UBLCP1: variants seen among roughly 807,000 people sequenced by gnomAD.
The protein encoded by UBLCP1 is ubiquitin-like domain-containing CTD phosphatase 1.
Under a neutral mutation model 42.4 loss-of-function variants are expected in UBLCP1, and 28 were observed. The ratio of observed to expected loss-of-function variants is 0.66; its 90% CI spans 0.49 to 0.90. The LOEUF is 0.90. Among genes scored for constraint, UBLCP1 ranks in the 40% least tolerant of loss-of-function variants. UBLCP1 has a pLI of 0.00. For missense variants in UBLCP1, 279 were observed against 374.5 expected, an observed-to-expected ratio of 0.75 and a Z score of 2.10; for synonymous variants, 122 against 120.8, an observed-to-expected ratio of 1.01 and a Z score of -0.07.
At chr5:159,283,377 A>G in intron 10 of UBLCP1, 38 bp downstream of exon 10, 1 of 1,494,702 alleles carries the variant, frequency 6.7e-7, no homozygotes, top group Non-Finnish European at 9.0e-7. Flanking sequence ...TCTTTACATC[A>G]ATGAAGAAAA....
chr5:159,267,460 C>T (rs1007415691), intron 1 of UBLCP1, among the ~76,000 whole-genome samples: 3 of 152,170 alleles, frequency 2.0e-5, no homozygotes, highest in African/African-American at 7.2e-5. Flanking sequence ...GCAGAAAGGA[C>T]TTAACTTGTC....
chr5:159,263,945 A>G (rs1466887525), intron 1 of UBLCP1, among the ~76,000 whole-genome samples: 2 of 152,160 alleles, frequency 1.3e-5, no homozygotes, highest in Admixed American at 6.5e-5. Context: ...CAGGATTCTC[A>G]TTTGTATAAT....
chr5:159,265,220 A>C (rs1375529088), intron 1 of UBLCP1, among the ~76,000 whole-genome samples: 3 of 152,132 alleles, frequency 2.0e-5, no homozygotes, highest in Non-Finnish European at 4.4e-5. Context: ...TTAGTAGGAG[A>C]CACTGTTTTT....
intron 7 of UBLCP1, 137 bp downstream of exon 7, chr5:159,274,759 G>T: frequency 1.4e-6 from 1 of 735,094 alleles, no homozygotes; most frequent in Non-Finnish European, 2.2e-6. Context: ...GGGAGTAGAG[G>T]TGTTTTTAAA....
intron 8 of UBLCP1, among the ~76,000 whole-genome samples, chr5:159,275,913 C>G (rs1562100223): frequency 6.6e-6 from 1 of 152,078 alleles, no homozygotes; most frequent in East Asian, 1.9e-4. Context: ...CTGTTTGAAA[C>G]TGGTAATAAA....
At chr5:159,276,644 G>A (rs181810535) in intron 8 of UBLCP1, among the ~76,000 whole-genome samples, 143 of 152,288 alleles carry the variant, frequency 9.4e-4, no homozygotes, top group African/African-American at 3.2e-3. Context: ...ACTGTAGCTC[G>A]TCATTTGATG....
At position 159,272,762 on chromosome 5, in the gene UBLCP1, C is replaced by T. The variant is rs149651092; in HGVS notation, c.547+641C>T. On this transcript the variant is annotated intron_variant, in intron 6 of 10. Coordinates refer to ENST00000296786, the MANE Select transcript of UBLCP1 (RefSeq NM_145049.5). The stretch of plus-strand genomic sequence containing the variant: ...CCAGTGACATTGAAATTGTGGTCTG[C>T]GGACCATTTCAAGAATGTACAGGTC... Among the ~76,000 whole-genome samples the T allele has an allele frequency of 5.3e-5, 8 of 152,280 alleles. No homozygotes were observed. In the East Asian group the frequency reaches 1.2e-3, roughly 22 times the overall value.
At position 159,278,253 on chromosome 5, in the gene UBLCP1, G is replaced by A; in HGVS notation, c.700G>A (p.Val234Ile). Residue 234 changes from valine to isoleucine, a missense_variant, in exon 9 of 11, where the codon GTT becomes ATT. Physicochemically the swap from Val to Ile is conservative, Grantham distance 29. Transcript: ENST00000296786. ...RGLIDVKPLG[V>I]IWGKFSEFYS... ...TTATTCTAAGGTAAAGCCTCTTGGT[G>A]TTATATGGGGAAAGTTTTCGGAGTT... 1.2e-6 allele frequency: 2 copies of A among 1,612,232 alleles called. No homozygotes were observed. Among genetic ancestry groups the A allele is most frequent in the Non-Finnish European group, 1.7e-6 (2 of 1,178,406 alleles).
intron 1 of UBLCP1, 103 bp downstream of exon 1, chr5:159,263,463 G>T (rs1753328423): frequency 6.6e-6 from 1 of 152,268 alleles, no homozygotes; most frequent in Non-Finnish European, 1.5e-5. Context: ...CACTGCGGCG[G>T]GCTGGGGATA....
Position 159,268,914 on chromosome 5 carries a change from G to C in UBLCP1, c.-2G>C. 1 of 1,602,068 alleles carries C rather than the reference G, an allele frequency of 6.2e-7. No individual in the cohort carries two copies. The highest frequency in any genetic ancestry group is 1.1e-5 in the South Asian group (1 of 87,338). ...AAAGCTGCTTCCTCATATGTTTCAA[G>C]AATGGCTCTCCCTATCATTGTAAAA... On this transcript the variant is annotated 5_prime_UTR_variant, in exon 2 of 11. Transcript: ENST00000296786.
chr5:159,274,465 G>A (rs1000770527), intron 6 of UBLCP1, 120 bp from the exon 7 acceptor site: 8 of 685,602 alleles, frequency 1.2e-5, no homozygotes, highest in Admixed American at 6.3e-5. Flanking sequence ...GTATGCTAGG[G>A]ACTGTTAATT....
chr5:159,285,862 T>C lies in UBLCP1; in HGVS notation c.*931T>C, dbSNP rs940476446. On this transcript the variant is annotated 3_prime_UTR_variant, in exon 11 of 11. Transcript: ENST00000296786. ...TAGCCATAAGATTAAAAAAATATAT[T>C]ATTTGCAATGCTTAAGCCTGCAGAT... The C allele has an allele frequency of 8.5e-5, 13 of 152,752 alleles. No individual in the cohort carries two copies. The highest frequency in any genetic ancestry group is 3.1e-4 in the African/African-American group (13 of 41,456). 9.5% of individuals were successfully genotyped at this position (152,752 alleles called of 1,614,324 possible).
chr5:159,273,496 A>C (rs981828118), intron 6 of UBLCP1, among the ~76,000 whole-genome samples: 1 of 152,210 alleles, frequency 6.6e-6, no homozygotes, highest in African/African-American at 2.4e-5. Context: ...TTGAGAAATG[A>C]AGATATCTAA....
At chr5:159,270,284 T>C in intron 3 of UBLCP1, 76 bp from the exon 4 acceptor site, 1 of 1,218,912 alleles carries the variant, frequency 8.2e-7, no homozygotes, top group Admixed American at 2.2e-5. Context: ...GTATCTCTCA[T>C]TTTATTTTTA....
chr5:159,274,947 A>T (rs902249406), intron 7 of UBLCP1, among the ~76,000 whole-genome samples: 1 of 152,204 alleles, frequency 6.6e-6, no homozygotes, highest in African/African-American at 2.4e-5. Flanking sequence ...TAAATTAGGA[A>T]GTAATCTATT....
chr5:159,279,019 T>C (rs1753573294), intron 9 of UBLCP1, among the ~76,000 whole-genome samples: 1 of 152,254 alleles, frequency 6.6e-6, no homozygotes, highest in African/African-American at 2.4e-5. Context: ...GAAATGGCAG[T>C]AAGGGTACTT....
intron 3 of UBLCP1, 147 bp from the exon 4 acceptor site, chr5:159,270,213 A>C: frequency 2.6e-6 from 2 of 779,140 alleles, no homozygotes; most frequent in South Asian, 3.7e-5. Context: ...AAACATACAT[A>C]ACGAATTATT....
Position 159,284,938 on chromosome 5 carries a change from G to A in UBLCP1, c.*7G>A. 2.5e-6 allele frequency: 4 copies of A among 1,612,262 alleles called. No homozygotes were observed. The highest frequency in any genetic ancestry group is 3.4e-6 in the Non-Finnish European group (4 of 1,178,776). On this transcript the variant is annotated 3_prime_UTR_variant, in exon 11 of 11. Coordinates refer to ENST00000296786, the MANE Select transcript of UBLCP1 (RefSeq NM_145049.5). ...AAAGAAGCAAGGACAGTAGTTACAAGTTATACTGGCAGTTATTGAAGATAC... is the reference window on the plus strand; with the variant it reads ...AAAGAAGCAAGGACAGTAGTTACAAATTATACTGGCAGTTATTGAAGATAC...
intron 1 of UBLCP1, among the ~76,000 whole-genome samples, chr5:159,265,030 A>T (rs1186760812): frequency 6.6e-6 from 1 of 152,270 alleles, no homozygotes; most frequent in Non-Finnish European, 1.5e-5. Context: ...TGAAGAATAT[A>T]ACATTTGTTA....
Sources: gnomAD v4.1 joint callset for allele counts (sites outside exome capture counted in the v4.1 genomes callset) on GRCh38, gnomAD v4.1.1 for gene constraint, MANE v1.5 for transcripts, NCBI Gene and HGNC (gene_info 2026-07-23, HGNC 2026-07-21) for gene names.